Variants in UGT1A7 observed in about 807,000 individuals in gnomAD.
UGT1A7 encodes UDP-glucuronosyltransferase 1A7.
A neutral mutation model predicts 45.6 loss-of-function variants in UGT1A7; 33 were observed. The observed-to-expected ratio is 0.72, with a 90% confidence interval of 0.55 to 0.97. The LOEUF (loss-of-function observed/expected upper bound fraction) is 0.97, where lower values mean the gene tolerates loss of function less well. Among genes scored for constraint, UGT1A7 ranks in the 50% least tolerant of loss-of-function variants. The pLI is 0.00. For missense variants in UGT1A7, 684 were observed against 666.2 expected (o/e 1.03, Z -0.29); for synonymous variants, 274 against 250.6 (o/e 1.09, Z -0.88).
At chr2:233,755,161 C>T (rs1553619056) in intron 1 of UGT1A7, 1 of 1,292,236 alleles carries the variant, frequency 7.7e-7, no homozygotes, top group Non-Finnish European at 1.0e-6. Flanking sequence ...TCCCTGTCCT[C>T]GGGGTTTTTG....
intron 1 of UGT1A7, among the ~76,000 whole-genome samples, chr2:233,695,436 T>C (rs368139709): frequency 6.7e-6 from 1 of 148,582 alleles, no homozygotes; most frequent in African/African-American, 2.5e-5. Flanking sequence ...CTTCTTCTTC[T>C]TTTTTTTTTG....
intron 1 of UGT1A7, among the ~76,000 whole-genome samples, chr2:233,705,135 TGA>T (rs1491386088): frequency 0.019 from 1,905 of 98,440 alleles, 46 homozygotes; most frequent in African/African-American, 0.1. Context: ...AGACTTCGTC[TGA>T]AAAAAAAAAA....
intron 1 of UGT1A7, 34 bp from the exon 2 acceptor site, chr2:233,767,000 A>G: frequency 6.2e-7 from 1 of 1,613,736 alleles, no homozygotes; most frequent in South Asian, 1.1e-5. Context: ...GAATATGAGA[A>G]AAAATTAACT....
At chr2:233,741,260 G>T (rs1242600336) in intron 1 of UGT1A7, among the ~76,000 whole-genome samples, 1 of 151,812 alleles carries the variant, frequency 6.6e-6, no homozygotes, top group Non-Finnish European at 1.5e-5. Context: ...GCCACTCTTT[G>T]CTGACCACTG....
In UGT1A7 at chr2:233,745,331, C is replaced by A. The variant is rs932563797; in HGVS notation, c.856-21703C>A. Among the ~76,000 whole-genome samples, 35 of 151,966 alleles carry A rather than the reference C, an allele frequency of 2.3e-4. 1 individual carries two copies. The highest frequency in any genetic ancestry group is 8.2e-4 in the African/African-American group (34 of 41,248). ...ATTATTTCCACTAGAACTGCTATAT[C>A]ATGACCATGAATTTTGGGGGAATTT... is the stretch of plus-strand genomic sequence containing the variant. On this transcript the variant is annotated intron_variant, in intron 1 of 4. Transcript: ENST00000373426.
At chr2:233,695,050 C>T (rs1334618880) in intron 1 of UGT1A7, among the ~76,000 whole-genome samples, 1 of 152,156 alleles carries the variant, frequency 6.6e-6, no homozygotes, top group Admixed American at 6.5e-5. Flanking sequence ...ACCATAGTCA[C>T]CCTACTGTGC....
intron 1 of UGT1A7, chr2:233,747,447 A>G (rs757762144): frequency 1.5e-4 from 248 of 1,608,780 alleles, no homozygotes; most frequent in Non-Finnish European, 2.0e-4. Context: ...CACCCTGACA[A>G]CCTATGCCAT....
chr2:233,754,977 T>C (rs754870869), intron 1 of UGT1A7: 1 of 1,298,334 alleles, frequency 7.7e-7, no homozygotes, highest in Non-Finnish European at 1.0e-6. Context: ...CCTGAAGACC[T>C]CGGCGGGGTC....
Position 233,768,314 on chromosome 2 carries a change from G to GT in UGT1A7, c.1173dup (p.Gly392TrpfsTer2). 1 of 1,614,180 alleles carries GT rather than the reference G, an allele frequency of 6.2e-7. No individual in the cohort carries two copies. Among genetic ancestry groups the GT allele is most frequent in the Non-Finnish European group, 8.5e-7 (1 of 1,180,040 alleles). ...GCGTTCCCATGGTGATGATGCCCTTGTTTGGTGATCAGATGGACAATGCAA... is the reference window on the plus strand; with the variant it reads ...GCGTTCCCATGGTGATGATGCCCTTGTTTTGGTGATCAGATGGACAATGCAA... On this transcript the variant is annotated frameshift_variant, in exon 4 of 5. Transcript: ENST00000373426. LOFTEE classifies it high-confidence loss of function.
At chr2:233,689,845 T>C (rs1292880169) in intron 1 of UGT1A7, 2 of 454,206 alleles carry the variant, frequency 4.4e-6, no homozygotes, top group African/African-American at 4.0e-5. Context: ...TCTTGGATAT[T>C]GTTTTAGGCT....
intron 1 of UGT1A7, 101 bp from the exon 2 acceptor site, chr2:233,766,933 A>C: frequency 6.3e-7 from 1 of 1,584,088 alleles, no homozygotes; most frequent in South Asian, 1.2e-5. Flanking sequence ...CATGCCTTTA[A>C]TCATAGTCTT....
At chr2:233,710,204 G>A (rs2076118608) in intron 1 of UGT1A7, among the ~76,000 whole-genome samples, 1 of 152,110 alleles carries the variant, frequency 6.6e-6, no homozygotes, top group Non-Finnish European at 1.5e-5. Context: ...TCCAGTTGTT[G>A]GCTATTATGA....
chr2:233,721,676 A>T (rs1442079995), intron 1 of UGT1A7: 1 of 291,948 alleles, frequency 3.4e-6, no homozygotes, highest in African/African-American at 2.2e-5. Context: ...TTAATCCAAT[A>T]ATGAGCTCTG....
rs1274189847 is a variant in UGT1A7, at chr2:233,773,108, T to A, written c.*549T>A. 6.4e-6 allele frequency: 1 copy of A among 155,390 alleles called. No individual in the cohort carries two copies. The highest frequency in any genetic ancestry group is 2.4e-5 in the African/African-American group (1 of 41,446). The allele number at this position is 155,390 out of a possible 1,614,324, so 9.6% of individuals were successfully genotyped here. A position where few individuals can be genotyped will look rare whatever the true frequency, so the allele number is the denominator to read the frequency against. On this transcript the variant is annotated 3_prime_UTR_variant, in exon 5 of 5. Coordinates refer to ENST00000373426, the MANE Select transcript of UGT1A7 (RefSeq NM_019077.3). ...AGTGCACTGAGAACAGCATATGATT[T>A]CTTGCTTTGGGGAAAAAGAATGATG...
At chr2:233,755,059 C>G (rs773771831) in intron 1 of UGT1A7, 6 of 1,335,122 alleles carry the variant, frequency 4.5e-6, no homozygotes, top group Admixed American at 3.8e-5. Context: ...TCCGCCCTCG[C>G]CTCGCCATAG....
intron 1 of UGT1A7, chr2:233,712,998 A>G: frequency 6.2e-7 from 1 of 1,613,488 alleles, no homozygotes; most frequent in Non-Finnish European, 8.5e-7. Context: ...TGAGATGGCC[A>G]CAGGACTCCA....
Position 233,727,746 on chromosome 2 carries a change from G to C in UGT1A7, c.856-39288G>C, listed in dbSNP as rs369193942. Among the ~76,000 whole-genome samples the C allele has an allele frequency of 3.3e-5, 5 of 152,290 alleles. No individual in the cohort carries two copies. The East Asian group carries it at 7.7e-4, about 24-fold the overall frequency. On this transcript the variant is annotated intron_variant, in intron 1 of 4. Coordinates refer to ENST00000373426, the MANE Select transcript of UGT1A7 (RefSeq NM_019077.3). Reference sequence around the variant, plus strand: ...CTTCCTTTTCTGTGCCATCCTGCGTGTGCTGCCCTTGAGCTGGGTGTCCCC... The same window carrying C: ...CTTCCTTTTCTGTGCCATCCTGCGTCTGCTGCCCTTGAGCTGGGTGTCCCC...
At chr2:233,716,356 C>T (rs1029133275) in intron 1 of UGT1A7, among the ~76,000 whole-genome samples, 6 of 152,180 alleles carry the variant, frequency 3.9e-5, no homozygotes, top group African/African-American at 1.4e-4. Flanking sequence ...AATGTAGATA[C>T]TTTGTGGGGC....
At chr2:233,713,488 C>A (rs758374226) in intron 1 of UGT1A7, 1 of 1,613,950 alleles carries the variant, frequency 6.2e-7, no homozygotes, top group Non-Finnish European at 8.5e-7. Context: ...AAGTACCTGT[C>A]GATTCCTGCT....
Sources: allele counts gnomAD v4.1 joint callset (sites outside exome capture counted in the v4.1 genomes callset), GRCh38; gene constraint gnomAD v4.1.1; transcripts MANE v1.5; gene names NCBI Gene and HGNC (gene_info 2026-07-23, HGNC 2026-07-21).